CFAP44: variants seen among roughly 807,000 people sequenced by gnomAD.
The protein encoded by CFAP44 is cilia- and flagella-associated protein 44.
CFAP44 carries 134 observed loss-of-function variants against 216.2 expected under a neutral mutation model. That is an observed-to-expected ratio of 0.62 (90% CI 0.54 to 0.72). The LOEUF is 0.72. CFAP44 is among the 30% of genes least tolerant of loss of function. The pLI is 0.00. For missense variants in CFAP44, 2,035 were observed against 2,182.1 expected (o/e 0.93, Z 1.34); for synonymous variants, 700 against 727.6 (o/e 0.96, Z 0.61).
chr3:113,294,929 C>T, intron 33 of CFAP44, 108 bp from the exon 34 acceptor site: 3 of 1,278,044 alleles, frequency 2.3e-6, no homozygotes, highest in Non-Finnish European at 3.1e-6. Flanking sequence ...AGCAATGTGC[C>T]CATATGAAAA....
At chr3:113,327,471 T>A in intron 27 of CFAP44, 145 bp downstream of exon 27, 1 of 678,026 alleles carries the variant, frequency 1.5e-6, no homozygotes, top group South Asian at 2.1e-5. Flanking sequence ...TAGGTAGGAA[T>A]AACAGGAAAA....
At chr3:113,328,491 A>G (rs1024579971) in intron 26 of CFAP44, among the ~76,000 whole-genome samples, 2 of 151,090 alleles carry the variant, frequency 1.3e-5, no homozygotes, top group African/African-American at 4.9e-5. Context: ...GAAGAGGTCA[A>G]GAGAGAGCCC....
At chr3:113,379,637 A>G in intron 16 of CFAP44, 86 bp from the exon 17 acceptor site, 1 of 1,051,904 alleles carries the variant, frequency 9.5e-7, no homozygotes, top group Non-Finnish European at 1.3e-6. Flanking sequence ...TGAAAATAGA[A>G]AGAAGATACA....
chr3:113,426,011 A>T, intron 4 of CFAP44, 113 bp downstream of exon 4: 1 of 1,304,954 alleles, frequency 7.7e-7, no homozygotes, highest in Non-Finnish European at 1.1e-6. Flanking sequence ...ATAAAACTTG[A>T]TTTACCAAAA....
At chr3:113,333,617 A>T in intron 24 of CFAP44, 34 bp from the exon 25 acceptor site, 2 of 1,465,000 alleles carry the variant, frequency 1.4e-6, no homozygotes, top group Non-Finnish European at 9.0e-7. Context: ...CCCACACACA[A>T]ATATGACAAT....
intron 16 of CFAP44, 25 bp downstream of exon 16, chr3:113,380,874 A>G: frequency 6.6e-7 from 1 of 1,512,422 alleles, no homozygotes; most frequent in Non-Finnish European, 8.9e-7. Context: ...TTATTATAAG[A>G]TAATGCTTCA....
intron 15 of CFAP44, among the ~76,000 whole-genome samples, chr3:113,389,261 T>C (rs1242916844): frequency 1.3e-5 from 2 of 152,238 alleles, no homozygotes; most frequent in Middle Eastern, 6.8e-3. Flanking sequence ...AAACAATATG[T>C]TCCTGAATGA....
At chr3:113,354,153 A>G (rs1950473024) in intron 22 of CFAP44, among the ~76,000 whole-genome samples, 1 of 152,228 alleles carries the variant, frequency 6.6e-6, no homozygotes, top group Non-Finnish European at 1.5e-5. Flanking sequence ...AGAATAGTTA[A>G]AAGTATACAG....
chr3:113,420,224 C>A, intron 4 of CFAP44, 45 bp from the exon 5 acceptor site: 5 of 1,525,592 alleles, frequency 3.3e-6, no homozygotes, highest in South Asian at 1.3e-5. Flanking sequence ...ACACTACCAT[C>A]CTAGGGATTG....
intron 21 of CFAP44, chr3:113,360,123 T>C (rs1424840581): frequency 6.6e-6 from 1 of 152,014 alleles, no homozygotes; most frequent in East Asian, 1.9e-4. Context: ...TAGTAAACTT[T>C]GTATTACGTA....
At chr3:113,402,092 G>A (rs1197669043) in intron 9 of CFAP44, among the ~76,000 whole-genome samples, 5 of 152,252 alleles carry the variant, frequency 3.3e-5, no homozygotes, top group Non-Finnish European at 2.9e-5. Context: ...TGTTCAGCAA[G>A]ACATTATAAT....
At chr3:113,400,443 G>T in intron 12 of CFAP44, 102 bp downstream of exon 12, 1 of 1,036,430 alleles carries the variant, frequency 9.6e-7, no homozygotes, top group Non-Finnish European at 1.3e-6. Context: ...CTCCCCTTTT[G>T]GGAAAATCCC....
At chr3:113,332,666 G>C (rs1258696885) in intron 25 of CFAP44, among the ~76,000 whole-genome samples, 3 of 152,184 alleles carry the variant, frequency 2.0e-5, no homozygotes, top group Non-Finnish European at 4.4e-5. Flanking sequence ...ATAGCAGGAA[G>C]AGGAACTTTC....
At chr3:113,412,790 T>C (rs1034135422) in intron 6 of CFAP44, among the ~76,000 whole-genome samples, 6 of 152,206 alleles carry the variant, frequency 3.9e-5, no homozygotes, top group African/African-American at 1.4e-4. Context: ...GCACTTGGGT[T>C]GGTTCCACGT....
chr3:113,320,208 T>C (rs1950129068), intron 28 of CFAP44, among the ~76,000 whole-genome samples: 2 of 150,546 alleles, frequency 1.3e-5, no homozygotes, highest in East Asian at 2.0e-4. Context: ...TTCCAGAAAA[T>C]TGAGGAGGTA....
chr3:113,421,742 A>G (rs1294014273), intron 4 of CFAP44, among the ~76,000 whole-genome samples: 1 of 151,224 alleles, frequency 6.6e-6, no homozygotes, highest in Non-Finnish European at 1.5e-5. Context: ...GAAACAGAAA[A>G]CCAAATATTG....
At chr3:113,297,307 C>T (rs568393713) in intron 32 of CFAP44, among the ~76,000 whole-genome samples, 2 of 152,258 alleles carry the variant, frequency 1.3e-5, no homozygotes, top group Non-Finnish European at 2.9e-5. Flanking sequence ...GGAGGCCCTG[C>T]ATGGTCAGCC....
At chr3:113,419,919 G>T in intron 5 of CFAP44, 98 bp downstream of exon 5, 1 of 1,262,394 alleles carries the variant, frequency 7.9e-7, no homozygotes, top group Non-Finnish European at 1.1e-6. Flanking sequence ...ACAATACTGT[G>T]CATGGTGTTG....
chr3:113,410,411 T>C (rs969435816), intron 6 of CFAP44, among the ~76,000 whole-genome samples: 8 of 152,174 alleles, frequency 5.3e-5, no homozygotes, highest in Admixed American at 5.2e-4. Context: ...TGGTTTTTTG[T>C]CCTTGCAATA....
Sources: gnomAD v4.1 joint callset for allele counts (sites outside exome capture counted in the v4.1 genomes callset) on GRCh38, gnomAD v4.1.1 for gene constraint, MANE v1.5 for transcripts, NCBI Gene and HGNC (gene_info 2026-07-23, HGNC 2026-07-21) for gene names.